The following THADA variants were observed in gnomAD, a reference collection of about 807,000 sequenced individuals.
THADA encodes the protein tRNA (32-2'-O)-methyltransferase regulator THADA.
Under a neutral mutation model 219.8 loss-of-function variants are expected in THADA, and 213 were observed. The ratio of observed to expected loss-of-function variants is 0.97; its 90% CI spans 0.87 to 1.09. The LOEUF is 1.09. Ranked by LOEUF, THADA falls within the 50% of genes least tolerant of loss-of-function variation. THADA has a pLI of 0.00. For missense variants in THADA, 2,956 were observed against 2,311.3 expected, an observed-to-expected ratio of 1.28 and a Z score of -5.72; for synonymous variants, 1,018 against 828.9, an observed-to-expected ratio of 1.23 and a Z score of -3.92.
intron 28 of THADA, among the ~76,000 whole-genome samples, chr2:43,404,653 T>C (rs184538963): frequency 9.8e-4 from 150 of 152,312 alleles, no homozygotes; most frequent in African/African-American, 3.5e-3. Context: ...GGCATCATCA[T>C]GTCTGCTAGA....
intron 35 of THADA, among the ~76,000 whole-genome samples, chr2:43,284,598 C>A (rs1409680052): frequency 2.0e-5 from 3 of 152,178 alleles, no homozygotes; most frequent in South Asian, 2.1e-4. Context: ...TCATGGAGAA[C>A]CTCTATTAGG....
In THADA at chr2:43,577,057, C is replaced by T. The variant is rs1375060341; in HGVS notation, c.1002G>A (p.Leu334=). The change falls in exon 10 of 38, where the codon TTG becomes TTA. Residue 334 remains leucine, a synonymous_variant. Transcript: ENST00000405975. ...SMGRSGEALL[L]DTAHVLFTLS... ...AGGTGAACAAAACATGTGCAGTATCCAAGAGCAGGGCCTCCCCACTCCGAC... is the reference window on the plus strand; with the variant it reads ...AGGTGAACAAAACATGTGCAGTATCTAAGAGCAGGGCCTCCCCACTCCGAC... 6.2e-7 allele frequency: 1 copy of T among 1,613,244 alleles called. No individual in the cohort carries two copies. The highest frequency in any genetic ancestry group is 8.5e-7 in the Non-Finnish European group (1 of 1,179,724).
intron 26 of THADA, among the ~76,000 whole-genome samples, chr2:43,453,657 A>G (rs1682636312): frequency 6.6e-6 from 1 of 152,130 alleles, no homozygotes; most frequent in Non-Finnish European, 1.5e-5. Flanking sequence ...AGTACTCTGA[A>G]GTTAGTAGAC....
chr2:43,523,085 G>C (rs75514072), intron 22 of THADA, among the ~76,000 whole-genome samples: 16,027 of 152,124 alleles, frequency 0.11, 934 homozygotes, highest in African/African-American at 0.14. Flanking sequence ...AAAAGTTTAG[G>C]CTGGGCGCGG....
intron 26 of THADA, among the ~76,000 whole-genome samples, chr2:43,480,809 C>A (rs758125578): frequency 1.4e-4 from 21 of 148,192 alleles, no homozygotes; most frequent in Non-Finnish European, 2.8e-4. Flanking sequence ...CAGTGCGAGA[C>A]TCTGTCTTGG....
intron 7 of THADA, 63 bp downstream of exon 7, chr2:43,586,338 T>C: frequency 7.6e-7 from 1 of 1,320,984 alleles, no homozygotes; most frequent in Non-Finnish European, 1.0e-6. Flanking sequence ...TAAATTTTTC[T>C]TTGTACAAAG....
chr2:43,536,174 C>T (rs1416919555), intron 21 of THADA, among the ~76,000 whole-genome samples: 1 of 152,124 alleles, frequency 6.6e-6, no homozygotes, highest in African/African-American at 2.4e-5. Flanking sequence ...ATGAAGAAAG[C>T]ATACTCAGTT....
Position 43,430,802 on chromosome 2 carries a change from T to C in THADA, c.3837-500A>G, listed in dbSNP as rs116447990. ...GCCTCCGTGGCTTCTACCCACTAGA[T>C]GCCAGCAGCACAACACCCCTCCCCA... is the stretch of plus-strand genomic sequence containing the variant. On this transcript the variant is annotated intron_variant, in intron 26 of 37. Transcript: ENST00000405975. 7.9e-3 allele frequency among the ~76,000 whole-genome samples: 1,203 copies of C among 152,310 alleles called. 15 individuals carry two copies. The highest frequency in any genetic ancestry group is 0.027 in the African/African-American group (1,108 of 41,568).
At chr2:43,354,956 C>A (rs1668718671) in intron 29 of THADA, among the ~76,000 whole-genome samples, 1 of 152,134 alleles carries the variant, frequency 6.6e-6, no homozygotes, top group Non-Finnish European at 1.5e-5. Flanking sequence ...CTCCTTGCTG[C>A]CACCACGAAA....
At position 43,442,365 on chromosome 2, in the gene THADA, G is replaced by A. The variant is rs1271907274; in HGVS notation, c.3837-12063C>T. ...GCAAGAGAATCGCTTGAACCCAGGA[G>A]GCGGAGGTTGCAGTGAGCCAAGATC... On this transcript the variant is annotated intron_variant, in intron 26 of 37. Transcript: ENST00000405975. Among the ~76,000 whole-genome samples, 6 of 152,234 alleles carry A rather than the reference G, an allele frequency of 3.9e-5. No homozygotes were observed. In the East Asian group the frequency reaches 9.7e-4, roughly 25 times the overall value.
chr2:43,381,246 A>ATAC (rs1668919859), intron 29 of THADA, among the ~76,000 whole-genome samples: 1 of 152,166 alleles, frequency 6.6e-6, no homozygotes, highest in South Asian at 2.1e-4. Flanking sequence ...AAATAATGTA[A>ATAC]TACTGGATTA....
At chr2:43,539,775 A>G (rs1231744286) in intron 21 of THADA, among the ~76,000 whole-genome samples, 2 of 152,278 alleles carry the variant, frequency 1.3e-5, no homozygotes, top group African/African-American at 2.4e-5. Flanking sequence ...TCTTTGGTTT[A>G]TAAGAACCTG....
chr2:43,297,604 T>G (rs1470259471), intron 31 of THADA, among the ~76,000 whole-genome samples: 15 of 57,936 alleles, frequency 2.6e-4, no homozygotes, highest in South Asian at 6.9e-4. Context: ...GGTGGGGGGG[T>G]CAGCCCCCCG....
intron 24 of THADA, among the ~76,000 whole-genome samples, chr2:43,499,558 G>C (rs944596601): frequency 6.6e-6 from 1 of 152,024 alleles, no homozygotes; most frequent in African/African-American, 2.4e-5. Context: ...TGTATAATTA[G>C]TAGAGACAGG....
At chr2:43,295,207 A>G (rs1675226774) in intron 31 of THADA, among the ~76,000 whole-genome samples, 1 of 152,258 alleles carries the variant, frequency 6.6e-6, no homozygotes, top group Admixed American at 6.5e-5. Context: ...GTGAGACCCT[A>G]TCTCAAAAAC....
intron 28 of THADA, among the ~76,000 whole-genome samples, chr2:43,400,484 T>TATATATATATATATAC (rs1553427596): frequency 8.2e-5 from 12 of 145,930 alleles, no homozygotes; most frequent in African/African-American, 2.5e-4. Context: ...TATAAATATA[T>TATATATATATATATAC]ACACTAAGAA....
intron 11 of THADA, among the ~76,000 whole-genome samples, chr2:43,573,379 C>T (rs1699504929): frequency 6.6e-6 from 1 of 152,126 alleles, no homozygotes; most frequent in Non-Finnish European, 1.5e-5. Context: ...AACCTCTCTG[C>T]ATATTTTAGA....
At chr2:43,543,322 C>A (rs550221521) in intron 20 of THADA, among the ~76,000 whole-genome samples, 1 of 145,636 alleles carries the variant, frequency 6.9e-6, no homozygotes, top group South Asian at 2.3e-4. Flanking sequence ...GTGAATAGTG[C>A]CGCAATAAAC....
At chr2:43,446,549 G>A (rs1440369544) in intron 26 of THADA, among the ~76,000 whole-genome samples, 1 of 152,218 alleles carries the variant, frequency 6.6e-6, no homozygotes, top group African/African-American at 2.4e-5. Flanking sequence ...AGCCCCAGCT[G>A]AGGTCTCAGA....
Sources: gnomAD v4.1 joint callset for allele counts (sites outside exome capture counted in the v4.1 genomes callset) on GRCh38, gnomAD v4.1.1 for gene constraint, MANE v1.5 for transcripts, NCBI Gene and HGNC (gene_info 2026-07-23, HGNC 2026-07-21) for gene names.